The following DPY19L2 variants were observed in gnomAD, a reference collection of about 807,000 sequenced individuals.
DPY19L2 encodes dpy-19 like 2.
DPY19L2 carries 34 observed loss-of-function variants against 97.9 expected under a neutral mutation model. The observed-to-expected ratio is 0.35, with a 90% CI of 0.26 to 0.46. The LOEUF is 0.46. DPY19L2 is among the 20% of genes least tolerant of loss of function. The pLI, the probability that DPY19L2 is intolerant of heterozygous loss-of-function variation, is 1.00. For synonymous variants in DPY19L2, 230 were observed against 307.9 expected (o/e 0.75, Z 2.65); for missense variants, 623 against 911.4 (o/e 0.68, Z 4.07).
At chr12:63,668,507 G>T (rs777987225), upstream of DPY19L2, 11 of 1,109,012 alleles carry the variant, frequency 9.9e-6, no homozygotes, top group Non-Finnish European at 1.2e-5. Context: ...CCCCGCAGCC[G>T]TTGCGGACCT....
intron 6 of DPY19L2, among the ~76,000 whole-genome samples, chr12:63,635,000 C>T (rs1487265393): frequency 6.6e-6 from 1 of 152,212 alleles, no homozygotes; most frequent in Non-Finnish European, 1.5e-5. Flanking sequence ...GGGTCCCTGA[C>T]CTCCGAGTAG....
At chr12:63,598,263 T>C (rs1884586619) in intron 13 of DPY19L2, among the ~76,000 whole-genome samples, 1 of 152,182 alleles carries the variant, frequency 6.6e-6, no homozygotes, top group Non-Finnish European at 1.5e-5. Flanking sequence ...AAAACTATTT[T>C]ACTTAACCTC....
At chr12:63,625,477 C>G (rs1367788043) in intron 7 of DPY19L2, among the ~76,000 whole-genome samples, 1 of 151,986 alleles carries the variant, frequency 6.6e-6, no homozygotes, top group Non-Finnish European at 1.5e-5. Flanking sequence ...AGCTAGTAGT[C>G]AGAATCTCTC....
chr12:63,643,897 G>A (rs1310547174), intron 6 of DPY19L2, among the ~76,000 whole-genome samples: 1 of 152,152 alleles, frequency 6.6e-6, no homozygotes, highest in Non-Finnish European at 1.5e-5. Context: ...AATTAAGTGT[G>A]GGGGCAAAAC....
intron 6 of DPY19L2, among the ~76,000 whole-genome samples, chr12:63,642,657 T>C (rs1457022243): frequency 2.0e-5 from 3 of 152,108 alleles, no homozygotes; most frequent in Non-Finnish European, 4.4e-5. Flanking sequence ...ATTGCAGTTA[T>C]CTATTTGTCT....
intron 4 of DPY19L2, among the ~76,000 whole-genome samples, chr12:63,655,193 A>C (rs1436664103): frequency 6.6e-6 from 1 of 152,228 alleles, no homozygotes; most frequent in Non-Finnish European, 1.5e-5. Flanking sequence ...TTGCACATAC[A>C]GATGGCAAAT....
intron 6 of DPY19L2, among the ~76,000 whole-genome samples, chr12:63,640,783 A>T (rs1227029941): frequency 6.6e-6 from 1 of 152,170 alleles, no homozygotes; most frequent in Non-Finnish European, 1.5e-5. Flanking sequence ...AAATATACTG[A>T]TTTTTTAAAT....
chr12:63,580,604 T>A, intron 19 of DPY19L2, 58 bp downstream of exon 19: 1 of 1,459,564 alleles, frequency 6.9e-7, no homozygotes, highest in South Asian at 1.4e-5. Flanking sequence ...ATATATAGTA[T>A]ACACAAATGT....
chr12:63,592,947 AAAAC>A (rs1486305776), intron 16 of DPY19L2, among the ~76,000 whole-genome samples: 2 of 151,510 alleles, frequency 1.3e-5, no homozygotes, highest in Admixed American at 6.6e-5. Flanking sequence ...TTACAAGAAA[AAAAC>A]AAACAACCCC....
chr12:63,657,693 T>A (rs1422704869), intron 4 of DPY19L2, among the ~76,000 whole-genome samples: 1 of 152,068 alleles, frequency 6.6e-6, no homozygotes, highest in Non-Finnish European at 1.5e-5. Context: ...ACAACATGGG[T>A]GTGAGCAGAG....
intron 6 of DPY19L2, among the ~76,000 whole-genome samples, chr12:63,637,227 T>G (rs1299892161): frequency 1.3e-5 from 2 of 152,072 alleles, no homozygotes; most frequent in Admixed American, 1.3e-4. Flanking sequence ...AAGATGTTCT[T>G]TGAAACCAAT....
chr12:63,668,718 C>A (rs1051014651), upstream of DPY19L2: 19 of 338,464 alleles, frequency 5.6e-5, no homozygotes, highest in African/African-American at 3.2e-4. Context: ...CTGCAGCCTC[C>A]GGTGCGCGCA....
rs542601051 is a variant in DPY19L2, at chr12:63,572,032, T to G, written c.1901-1175A>C. 2.0e-5 allele frequency among the ~76,000 whole-genome samples: 3 copies of G among 152,242 alleles called. No individual in the cohort carries two copies. In the East Asian group the frequency reaches 5.8e-4, roughly 29 times the overall value. The stretch of plus-strand genomic sequence containing the variant: ...TCAGGAACACCAAATGTGATAATGA[T>G]CTACACAAAAAGCACTTTCATAAGA... On this transcript the variant is annotated intron_variant, in intron 19 of 21. Coordinates refer to ENST00000324472, the MANE Select transcript of DPY19L2 (RefSeq NM_173812.5).
chr12:63,618,805 G>A (rs1305256361), intron 9 of DPY19L2, among the ~76,000 whole-genome samples: 1 of 152,010 alleles, frequency 6.6e-6, no homozygotes, highest in Admixed American at 6.6e-5. Flanking sequence ...CATGTATGAT[G>A]TCCAGCACCA....
At chr12:63,589,092 T>A (rs1421292427) in intron 16 of DPY19L2, among the ~76,000 whole-genome samples, 1 of 151,944 alleles carries the variant, frequency 6.6e-6, no homozygotes, top group Admixed American at 6.6e-5. Context: ...ATCTATTATA[T>A]ACTAACAGTA....
intron 11 of DPY19L2, among the ~76,000 whole-genome samples, chr12:63,615,413 G>A (rs1308406663): frequency 6.6e-6 from 1 of 152,132 alleles, no homozygotes; most frequent in East Asian, 1.9e-4. Flanking sequence ...GAGACATTAT[G>A]TGCCTTTTAA....
chr12:63,622,993 G>C (rs1888936744), intron 8 of DPY19L2, among the ~76,000 whole-genome samples: 1 of 152,250 alleles, frequency 6.6e-6, no homozygotes, highest in East Asian at 1.9e-4. Context: ...AAATAAGGAA[G>C]ACAAACAAAT....
chr12:63,582,311 G>C (rs567783675), intron 18 of DPY19L2, 95 bp downstream of exon 18: 1 of 1,317,578 alleles, frequency 7.6e-7, no homozygotes, highest in African/African-American at 1.5e-5. Context: ...CACTTAGTGT[G>C]TTTATATTTT....
chr12:63,627,783 C>T (rs1009225934), intron 6 of DPY19L2, among the ~76,000 whole-genome samples: 1 of 152,184 alleles, frequency 6.6e-6, no homozygotes, highest in Non-Finnish European at 1.5e-5. Flanking sequence ...TAGCCTAACA[C>T]ATTCTAAGCA....
Sources: gnomAD v4.1 joint callset for allele counts (sites outside exome capture counted in the v4.1 genomes callset) on GRCh38, gnomAD v4.1.1 for gene constraint, MANE v1.5 for transcripts, NCBI Gene and HGNC (gene_info 2026-07-23, HGNC 2026-07-21) for gene names.